The following ANKRD6 variants were observed in gnomAD, a reference collection of about 807,000 sequenced individuals.
ANKRD6 encodes ankyrin repeat domain 6.
ANKRD6 carries 56 observed loss-of-function variants against 82.3 expected under a neutral mutation model. That is an observed-to-expected ratio of 0.68 (90% CI 0.55 to 0.85). The LOEUF is 0.85. Ranked by LOEUF, ANKRD6 falls within the 40% of genes least tolerant of loss-of-function variation. The probability of loss-of-function intolerance (pLI) is 0.00; values close to 1 mark genes in which losing one functional copy is unlikely to be tolerated. For missense variants in ANKRD6, 852 were observed against 907.6 expected, an observed-to-expected ratio of 0.94 and a Z score of 0.79; for synonymous variants, 347 against 352.1, an observed-to-expected ratio of 0.99 and a Z score of 0.16.
At chr6:89,541,820 A>G (rs1345216524) in intron 1 of ANKRD6, among the ~76,000 whole-genome samples, 1 of 151,268 alleles carries the variant, frequency 6.6e-6, no homozygotes, top group African/African-American at 2.4e-5. Flanking sequence ...AGTTTTATAT[A>G]TATCTTATAT....
chr6:89,490,278 A>C (rs1193903154), intron 1 of ANKRD6, among the ~76,000 whole-genome samples: 1 of 152,218 alleles, frequency 6.6e-6, no homozygotes, highest in Non-Finnish European at 1.5e-5. Flanking sequence ...GGGTCTTCAA[A>C]TCAGTTTTAT....
intron 1 of ANKRD6, among the ~76,000 whole-genome samples, chr6:89,446,386 G>T (rs933975551): frequency 2.0e-5 from 3 of 151,890 alleles, no homozygotes; most frequent in African/African-American, 7.3e-5. Context: ...AATAAAATTA[G>T]GTGAATTAAT....
At chr6:89,563,513 C>G (rs1231896717) in intron 1 of ANKRD6, among the ~76,000 whole-genome samples, 1 of 152,138 alleles carries the variant, frequency 6.6e-6, no homozygotes, top group Non-Finnish European at 1.5e-5. Flanking sequence ...TTTCTCACTG[C>G]CAGCAATGGG....
At chr6:89,593,710 C>A (rs1417546581) in intron 2 of ANKRD6, among the ~76,000 whole-genome samples, 1 of 152,086 alleles carries the variant, frequency 6.6e-6, no homozygotes, top group African/African-American at 2.4e-5. Context: ...TTGGGAAGAC[C>A]TTAGGGGTAT....
At chr6:89,516,508 T>C (rs1781238535) in intron 1 of ANKRD6, among the ~76,000 whole-genome samples, 1 of 152,140 alleles carries the variant, frequency 6.6e-6, no homozygotes, top group Admixed American at 6.5e-5. Flanking sequence ...AGACACAGCC[T>C]CTGTTGCCCA....
intron 1 of ANKRD6, among the ~76,000 whole-genome samples, chr6:89,516,326 C>T (rs1390866791): frequency 5.9e-5 from 9 of 152,170 alleles, no homozygotes. Context: ...AGACATCAAT[C>T]TTCTGCCCTT....
chr6:89,573,006 G>C lies in ANKRD6; in HGVS notation c.120+5910G>C, dbSNP rs1350892343. 2.6e-5 allele frequency among the ~76,000 whole-genome samples: 4 copies of C among 152,208 alleles called. No homozygotes were observed. The East Asian group carries it at 5.8e-4, about 22-fold the overall frequency. ...CACAGAGTCTTGCTTTGTCTCCCAG[G>C]CTGGAGTGCAGTGGTGTGAACACGG... On this transcript the variant is annotated intron_variant, in intron 2 of 15. Coordinates refer to ENST00000339746, the MANE Select transcript of ANKRD6 (RefSeq NM_001242809.2).
Position 89,624,673 on chromosome 6 carries a change from G to T in ANKRD6, c.1353G>T (p.Glu451Asp). The T allele has an allele frequency of 6.2e-7, 1 of 1,603,752 alleles. No individual in the cohort carries two copies. The highest frequency in any genetic ancestry group is 1.1e-5 in the South Asian group (1 of 88,638). Residue 451 changes from glutamate to aspartate, a missense_variant, in exon 13 of 16, where the codon GAG becomes GAT. Glu to Asp is a conservative substitution (Grantham distance 45). Transcript: ENST00000339746. Reference protein sequence around the residue: ...DKMNTKLGQMENKTQHQMRVL... With the variant: ...DKMNTKLGQMDNKTQHQMRVL... ...TGAATACAAAGCTGGGGCAGATGGA[G>T]AATAAGACCCAGCACCAAGTATGTC...
chr6:89,629,341 A>C, intron 15 of ANKRD6, 103 bp downstream of exon 15: 1 of 1,522,334 alleles, frequency 6.6e-7, no homozygotes. Flanking sequence ...GCTGTGGGAA[A>C]CACTGGATGG....
rs1369271274 is a variant in ANKRD6 at position 89,433,754 on chromosome 6, G to A, written c.-144+379G>A. Among the ~76,000 whole-genome samples, 1 of 152,236 alleles carries A rather than the reference G, an allele frequency of 6.6e-6. No homozygotes were observed. The highest frequency in any genetic ancestry group is 2.4e-5 in the African/African-American group (1 of 41,476). The stretch of plus-strand genomic sequence containing the variant: ...GTACCCCGCGGTCTGCGGCGCGTAG[G>A]AGGGTAGGTCCCTGGCCTGCGGCCG... On this transcript the variant is annotated intron_variant, in intron 1 of 15. Transcript: ENST00000339746. This position sits in a 1 kb window ranked among gnomAD's most constrained non-coding sequence, Gnocchi z 4.3.
chr6:89,447,642 A>T (rs971249711), intron 1 of ANKRD6, among the ~76,000 whole-genome samples: 1 of 152,226 alleles, frequency 6.6e-6, no homozygotes, highest in Non-Finnish European at 1.5e-5. Flanking sequence ...TTCAATGTGG[A>T]TGAAACAGCC....
Position 89,623,582 on chromosome 6 carries a change from G to T in ANKRD6, c.1032+38G>T, listed in dbSNP as rs773102858. The T allele has an allele frequency of 9.6e-6, 15 of 1,560,494 alleles. No homozygotes were observed. Among genetic ancestry groups the T allele is most frequent in the Non-Finnish European group, 1.3e-5 (15 of 1,152,718 alleles). On this transcript the variant is annotated intron_variant, in intron 11 of 15. Transcript: ENST00000339746. ...AGAAAGCAGCCCAGAGGGGTGGCTG[G>T]GAGGCAGGGTGGCGAGGGTCCTGGC...
intron 1 of ANKRD6, among the ~76,000 whole-genome samples, chr6:89,558,647 A>G (rs1786954627): frequency 6.6e-6 from 1 of 152,204 alleles, no homozygotes; most frequent in Admixed American, 6.5e-5. Context: ...TTAATGGCAG[A>G]TGCATGGTAT....
intron 2 of ANKRD6, among the ~76,000 whole-genome samples, chr6:89,586,439 A>G (rs1793699874): frequency 6.6e-6 from 1 of 152,172 alleles, no homozygotes; most frequent in African/African-American, 2.4e-5. Flanking sequence ...CTGTAATCCC[A>G]GCACTTTGGG....
At chr6:89,563,240 T>C (rs1787753397) in intron 1 of ANKRD6, among the ~76,000 whole-genome samples, 1 of 152,138 alleles carries the variant, frequency 6.6e-6, no homozygotes, top group African/African-American at 2.4e-5. Context: ...CCCTCTGGTA[T>C]TTGTGATGAG....
At chr6:89,517,624 A>G (rs1781382112) in intron 1 of ANKRD6, among the ~76,000 whole-genome samples, 1 of 152,252 alleles carries the variant, frequency 6.6e-6, no homozygotes, top group Admixed American at 6.5e-5. Flanking sequence ...TAGTCCACAT[A>G]GATTGTTTAA....
chr6:89,528,503 A>T (rs866742470), intron 1 of ANKRD6, among the ~76,000 whole-genome samples: 1 of 152,222 alleles, frequency 6.6e-6, no homozygotes, highest in African/African-American at 2.4e-5. Context: ...AAAGTAAGTT[A>T]TATCTTCCAC....
At chr6:89,457,374 G>A (rs548885514) in intron 1 of ANKRD6, among the ~76,000 whole-genome samples, 4 of 152,166 alleles carry the variant, frequency 2.6e-5, no homozygotes, top group Non-Finnish European at 5.9e-5. Flanking sequence ...GTGGTAAAAA[G>A]TGTCTTATTT....
intron 1 of ANKRD6, among the ~76,000 whole-genome samples, chr6:89,533,350 A>G (rs80312867): frequency 0.016 from 2,445 of 152,316 alleles, 76 homozygotes; most frequent in African/African-American, 0.055. Flanking sequence ...GGGCTTTAAA[A>G]TAATAATGAG....
Sources: gnomAD v4.1 joint callset for allele counts (sites outside exome capture counted in the v4.1 genomes callset) on GRCh38, gnomAD v4.1.1 for gene constraint, Gnocchi (gnomAD v3.1) non-coding constraint, MANE v1.5 for transcripts, NCBI Gene and HGNC (gene_info 2026-07-23, HGNC 2026-07-21) for gene names.